The following ABCG1 variants were observed in gnomAD, a reference collection of about 807,000 sequenced individuals.
The protein encoded by ABCG1 is ATP-binding cassette sub-family G member 1.
In ABCG1, 29 loss-of-function variants were observed where a neutral mutation model predicts 69.2. That is an observed-to-expected ratio of 0.42 (90% confidence interval 0.31 to 0.57). ABCG1 has a LOEUF of 0.57. ABCG1 is among the 20% of genes least tolerant of loss of function. The pLI, the probability that ABCG1 is intolerant of heterozygous loss-of-function variation, is 0.15. For synonymous variants in ABCG1, 370 were observed against 374.8 expected (o/e 0.99, Z 0.15); for missense variants, 718 against 898.1 (o/e 0.80, Z 2.56).
chr21:42,236,532 T>C (rs1170661597), intron 2 of ABCG1, among the ~76,000 whole-genome samples: 1 of 152,226 alleles, frequency 6.6e-6, no homozygotes, highest in African/African-American at 2.4e-5. Flanking sequence ...TGTTAAACAT[T>C]GTCTTTCAGA....
intron 1 of ABCG1, among the ~76,000 whole-genome samples, chr21:42,225,326 AG>A (rs1364976089): frequency 2.6e-5 from 4 of 152,188 alleles, no homozygotes; most frequent in African/African-American, 9.7e-5. Context: ...TTTTAAAATG[AG>A]GGGACTGTAA....
chr21:42,246,533 G>A (rs2068136485), intron 2 of ABCG1, among the ~76,000 whole-genome samples: 1 of 152,156 alleles, frequency 6.6e-6, no homozygotes, highest in Non-Finnish European at 1.5e-5. Flanking sequence ...GAGCTTTTAA[G>A]TTTCTTCATC....
rs768487801 is a variant in ABCG1 at position 42,290,175 on chromosome 21, G to A, written c.1350G>A (p.Met450Ile). The change falls in exon 11 of 15, where the codon ATG (methionine) becomes ATA (isoleucine). Residue 450 changes from methionine to isoleucine, a missense_variant. Met to Ile is a conservative substitution (Grantham distance 10). Transcript: ENST00000398449. ...ACTCCGGCTTCCTCTTCTTCTCCAT[G>A]CTGTTCCTCATGTTCGCGGCCCTCA... The part of the protein sequence containing the change: ...LSNSGFLFFS[M>I]LFLMFAALMP... 6 of 1,614,044 alleles carry A rather than the reference G, an allele frequency of 3.7e-6. No individual in the cohort carries two copies. Among genetic ancestry groups the A allele is most frequent in the African/African-American group, 1.3e-5 (1 of 74,906 alleles).
At chr21:42,267,760 C>T (rs796651667) in intron 2 of ABCG1, among the ~76,000 whole-genome samples, 622 of 34,186 alleles carry the variant, frequency 0.018, no homozygotes, top group Middle Eastern at 0.056. Context: ...CTGGGTTCTG[C>T]CTGGGTGTGG....
At chr21:42,285,505 C>CAA (rs113652821) in intron 7 of ABCG1, among the ~76,000 whole-genome samples, 2 of 128,896 alleles carry the variant, frequency 1.6e-5, no homozygotes, top group African/African-American at 5.7e-5. Flanking sequence ...GACCCTGTAT[C>CAA]AAAAAAAAAA....
intron 2 of ABCG1, among the ~76,000 whole-genome samples, chr21:42,267,538 T>C (rs1297136748): frequency 4.6e-5 from 7 of 150,670 alleles, no homozygotes; most frequent in African/African-American, 2.5e-5. Context: ...GTCTGGGTTC[T>C]GTCTGGGTCT....
At chr21:42,259,482 C>T in intron 2 of ABCG1, 1 of 1,548,172 alleles carries the variant, frequency 6.5e-7, no homozygotes, top group Non-Finnish European at 8.7e-7. Context: ...TGTCATCATG[C>T]CCCCATCCAA....
At chr21:42,224,123 A>T (rs2067775211) in intron 1 of ABCG1, among the ~76,000 whole-genome samples, 1 of 152,236 alleles carries the variant, frequency 6.6e-6, no homozygotes, top group South Asian at 2.1e-4. Context: ...TTGTGTGGCA[A>T]GGTGGGGATG....
Position 42,276,837 on chromosome 21 carries a change from C to A in ABCG1, c.538-58C>A. ...CGTGGCCTGCAGTGCGGGCATGAGG[C>A]TCACACTGCCAGTGGCCGTCTGTTC... On this transcript the variant is annotated intron_variant, in intron 4 of 14. Coordinates refer to ENST00000398449, the MANE Select transcript of ABCG1 (RefSeq NM_016818.3). The surrounding 1 kb of genome is among the most constrained non-coding windows in gnomAD (Gnocchi z 5.3). The A allele has an allele frequency of 6.3e-7, 1 of 1,585,426 alleles. No homozygotes were observed. Among genetic ancestry groups the A allele is most frequent in the Non-Finnish European group, 8.7e-7 (1 of 1,155,112 alleles).
chr21:42,275,943 G>A (rs958268546), intron 4 of ABCG1, among the ~76,000 whole-genome samples: 3 of 152,202 alleles, frequency 2.0e-5, no homozygotes, highest in African/African-American at 4.8e-5. Flanking sequence ...TGGCAGGAGC[G>A]TGGGCCTGAC....
chr21:42,292,451 G>A (rs2069081418), intron 13 of ABCG1, among the ~76,000 whole-genome samples: 1 of 152,038 alleles, frequency 6.6e-6, no homozygotes, highest in Non-Finnish European at 1.5e-5. Flanking sequence ...CCCAAGGCCA[G>A]CCCCAGTGCA....
At position 42,291,291 on chromosome 21, in the gene ABCG1, T is replaced by C; in HGVS notation, c.1494+99T>C. 1.7e-6 allele frequency: 2 copies of C among 1,199,636 alleles called. No homozygotes were observed. Among genetic ancestry groups the C allele is most frequent in the East Asian group, 2.5e-5 (1 of 40,318 alleles). The allele number at this position is 1,199,636 out of a possible 1,614,324, so 74.3% of individuals were successfully genotyped here. A position where few individuals can be genotyped will look rare whatever the true frequency, so the allele number is the denominator to read the frequency against. On this transcript the variant is annotated intron_variant, in intron 12 of 14. Transcript: ENST00000398449. The surrounding 1 kb of genome is among the most constrained non-coding windows in gnomAD (Gnocchi z 6.4). ...GACCTGCCAGGGATGCAGGGTGACA[T>C]GGCCCGACTTCGGGAGCTCTGGTGG...
At position 42,225,750 on chromosome 21, in the gene ABCG1, T is replaced by C; in HGVS notation, c.122T>C (p.Met41Thr). ...GTGGATGAGGTGGTGTCCAGCAACA[T>C]GGAGGCCACTGAGACGGACCTGCTG... The part of the protein sequence containing the change: ...VSVDEVVSSN[M>T]EATETDLLNG... Residue 41 changes from methionine to threonine, a missense_variant, in exon 2 of 15, where the codon ATG becomes ACG. Transcript: ENST00000398449. 1 of 1,613,968 alleles carries C rather than the reference T, an allele frequency of 6.2e-7. No homozygotes were observed. The highest frequency in any genetic ancestry group is 8.5e-7 in the Non-Finnish European group (1 of 1,180,000).
chr21:42,208,498 A>C (rs565125259), intron 2 of ABCG1, among the ~76,000 whole-genome samples: 1 of 152,334 alleles, frequency 6.6e-6, no homozygotes, highest in South Asian at 2.1e-4. Context: ...AGCCTGTCCT[A>C]TGACCTTGAA....
At chr21:42,236,987 A>C (rs1326437100) in intron 2 of ABCG1, among the ~76,000 whole-genome samples, 1 of 152,216 alleles carries the variant, frequency 6.6e-6, no homozygotes, top group Non-Finnish European at 1.5e-5. Context: ...GTTTGTCCAG[A>C]AAATGGCCGT....
chr21:42,211,210 G>A (rs1028603024), upstream of ABCG1, among the ~76,000 whole-genome samples: 2 of 152,082 alleles, frequency 1.3e-5, no homozygotes, highest in South Asian at 2.1e-4. Context: ...CGCCCGCCTC[G>A]GGCTCCCAAA....
intron 6 of ABCG1, 28 bp from the exon 7 acceptor site, chr21:42,284,532 G>A (rs1278993806): frequency 6.8e-6 from 11 of 1,609,540 alleles, no homozygotes; most frequent in Non-Finnish European, 7.6e-6. Flanking sequence ...CCGCCCGCAG[G>A]CGTCTCACGG....
At chr21:42,264,982 C>A (rs962847276) in intron 2 of ABCG1, among the ~76,000 whole-genome samples, 1 of 152,182 alleles carries the variant, frequency 6.6e-6, no homozygotes, top group African/African-American at 2.4e-5. Flanking sequence ...GGGAGGGTGC[C>A]ACCTCTTGGG....
Position 42,296,778 on chromosome 21 carries a change from A to C in ABCG1, c.*386A>C. 1 of 263,960 alleles carries C rather than the reference A, an allele frequency of 3.8e-6. No individual in the cohort carries two copies. The highest frequency in any genetic ancestry group is 7.4e-6 in the Non-Finnish European group (1 of 135,400). 16.4% of individuals were successfully genotyped at this position (263,960 alleles called of 1,614,324 possible). A position where few individuals can be genotyped will look rare whatever the true frequency, so the allele number is the denominator to read the frequency against. ...GATGGGGAACTGCAAGCAGCCTCTC[A>C]GCTGATGGCTGCACAGTCAGATGTC... is the stretch of plus-strand genomic sequence containing the variant. On this transcript the variant is annotated 3_prime_UTR_variant, in exon 15 of 15. Coordinates refer to ENST00000398449, the MANE Select transcript of ABCG1 (RefSeq NM_016818.3). This position sits in a 1 kb window ranked among gnomAD's most constrained non-coding sequence, Gnocchi z 5.4.
Sources: allele counts gnomAD v4.1 joint callset (sites outside exome capture counted in the v4.1 genomes callset), GRCh38; gene constraint gnomAD v4.1.1; non-coding constraint Gnocchi (gnomAD v3.1); transcripts MANE v1.5; gene names NCBI Gene and HGNC (gene_info 2026-07-23, HGNC 2026-07-21).